Variants in POPDC1 observed in about 807,000 individuals in gnomAD.
POPDC1 encodes popeye domain cAMP effector 1.
chr6:105,112,781 T>C, the POPDC1 span, among the ~76,000 whole-genome samples: 1 of 152,232 alleles, frequency 6.6e-6, no homozygotes, highest in Admixed American at 6.5e-5. Context: ...AGGCAAATAA[T>C]AACAGCTCCT....
the POPDC1 span, chr6:105,133,264 G>T: frequency 1.7e-6 from 2 of 1,183,270 alleles, no homozygotes; most frequent in Non-Finnish European, 1.2e-6. Flanking sequence ...CTATGGGCCT[G>T]ACAAAGAATA....
the POPDC1 span, chr6:105,125,600 A>G: frequency 6.2e-7 from 1 of 1,609,160 alleles, no homozygotes. Flanking sequence ...CAATGACTAG[A>G]TGCTTCACCA....
At chr6:105,118,335 A>C in the POPDC1 span, among the ~76,000 whole-genome samples, 1 of 152,232 alleles carries the variant, frequency 6.6e-6, no homozygotes, top group Non-Finnish European at 1.5e-5. Flanking sequence ...CTACTTTAAA[A>C]AGTGGTGTCA....
the POPDC1 span, among the ~76,000 whole-genome samples, chr6:105,112,023 G>A: frequency 6.6e-6 from 1 of 152,132 alleles, no homozygotes; most frequent in East Asian, 1.9e-4. Context: ...ATTCCAGAAG[G>A]TGGGAAATTC....
chr6:105,127,736 T>A, the POPDC1 span, among the ~76,000 whole-genome samples: 1 of 151,714 alleles, frequency 6.6e-6, no homozygotes, highest in Non-Finnish European at 1.5e-5. Context: ...GCGCCCAGCC[T>A]CATGAAGCCC....
the POPDC1 span, chr6:105,116,698 TA>T: frequency 4.5e-6 from 7 of 1,571,460 alleles, no homozygotes; most frequent in Non-Finnish European, 6.0e-6. Context: ...AGAGAACACT[TA>T]CTTTATCATT....
At chr6:105,102,223 T>C in the POPDC1 span, among the ~76,000 whole-genome samples, 1 of 152,232 alleles carries the variant, frequency 6.6e-6, no homozygotes, top group Non-Finnish European at 1.5e-5. Flanking sequence ...AACCTGGCTC[T>C]TTAAATACAT....
the POPDC1 span, chr6:105,101,145 C>T: frequency 1.2e-6 from 2 of 1,613,796 alleles, no homozygotes; most frequent in Non-Finnish European, 1.7e-6. Flanking sequence ...AAAACGTCAT[C>T]ATCATCTTCT....
At chr6:105,124,525 T>TA in the POPDC1 span, 4 of 1,515,102 alleles carry the variant, frequency 2.6e-6, no homozygotes, top group Non-Finnish European at 2.7e-6. Flanking sequence ...TCAATCTCCT[T>TA]AAAAATCATG....
chr6:105,132,582 C>G, the POPDC1 span, among the ~76,000 whole-genome samples: 2 of 152,184 alleles, frequency 1.3e-5, no homozygotes, highest in African/African-American at 2.4e-5. Flanking sequence ...TGAAGACGGC[C>G]TTCCTCAGTC....
the POPDC1 span, among the ~76,000 whole-genome samples, chr6:105,130,263 T>C: frequency 1.3e-5 from 2 of 152,180 alleles, no homozygotes; most frequent in Non-Finnish European, 2.9e-5. Context: ...TTAAACTCTT[T>C]GCCAGCATAG....
At chr6:105,106,311 G>A in the POPDC1 span, among the ~76,000 whole-genome samples, 4 of 152,198 alleles carry the variant, frequency 2.6e-5, no homozygotes, top group South Asian at 2.1e-4. Context: ...CCAAGGCATC[G>A]AGAAGGTGCA....
At chr6:105,130,184 T>C in the POPDC1 span, among the ~76,000 whole-genome samples, 2 of 152,352 alleles carry the variant, frequency 1.3e-5, no homozygotes, top group South Asian at 4.1e-4. Flanking sequence ...TTTTACCTGA[T>C]GGCAAACCTA....
At chr6:105,116,682 A>G in the POPDC1 span, 1 of 1,546,520 alleles carries the variant, frequency 6.5e-7, no homozygotes, top group Non-Finnish European at 8.7e-7. Flanking sequence ...TTAACAAAAT[A>G]AACTCAGAGA....
chr6:105,125,043 T>C, the POPDC1 span, among the ~76,000 whole-genome samples: 2 of 152,224 alleles, frequency 1.3e-5, no homozygotes, highest in Non-Finnish European at 2.9e-5. Flanking sequence ...ATTTTTGTGA[T>C]ATTCAAGACA....
the POPDC1 span, among the ~76,000 whole-genome samples, chr6:105,101,494 G>A: frequency 1.3e-5 from 2 of 152,116 alleles, no homozygotes; most frequent in Admixed American, 6.6e-5. Flanking sequence ...GTTCCCAGGG[G>A]TTTGCCCCAC....
chr6:105,117,310 AT>A, the POPDC1 span, among the ~76,000 whole-genome samples: 1 of 152,154 alleles, frequency 6.6e-6, no homozygotes. Flanking sequence ...CTGCCCATCC[AT>A]CTCTGCAAAT....
chr6:105,115,960 C>A, the POPDC1 span: 2 of 682,628 alleles, frequency 2.9e-6, no homozygotes, highest in South Asian at 3.7e-5. Context: ...TATTAGGTGG[C>A]CAATAAACAT....
At chr6:105,111,876 T>C in the POPDC1 span, among the ~76,000 whole-genome samples, 1 of 152,232 alleles carries the variant, frequency 6.6e-6, no homozygotes, top group Non-Finnish European at 1.5e-5. Flanking sequence ...AGTTATGAAG[T>C]ATATTTGTCG....
Sources: gnomAD v4.1 joint callset for allele counts (sites outside exome capture counted in the v4.1 genomes callset) on GRCh38, gnomAD v4.1.1 for gene constraint, MANE v1.5 for transcripts, NCBI Gene and HGNC (gene_info 2026-07-23, HGNC 2026-07-21) for gene names.